SCHIP1: variants seen among roughly 807,000 people sequenced by gnomAD.
SCHIP1 encodes schwannomin interacting protein 1.
In SCHIP1, 8 loss-of-function variants were observed where a neutral mutation model predicts 29.7. That is an observed-to-expected ratio of 0.27 (90% CI 0.16 to 0.49). The LOEUF is 0.49. Among genes scored for constraint, SCHIP1 ranks in the 20% least tolerant of loss-of-function variants. The probability of loss-of-function intolerance (pLI) is 0.99; values close to 1 mark genes in which losing one functional copy is unlikely to be tolerated. For missense variants in SCHIP1, 193 were observed against 294.6 expected (o/e 0.66, Z 2.52); for synonymous variants, 76 against 94.9 (o/e 0.80, Z 1.16).
chr3:159,489,507 T>C, the SCHIP1 span, among the ~76,000 whole-genome samples: 12 of 152,184 alleles, frequency 7.9e-5, no homozygotes, highest in African/African-American at 2.9e-4. Flanking sequence ...TGTGAGAGTG[T>C]AAATAACTGA....
chr3:159,325,682 CT>C, the SCHIP1 span, among the ~76,000 whole-genome samples: 41 of 151,922 alleles, frequency 2.7e-4, no homozygotes, highest in African/African-American at 9.4e-4. Flanking sequence ...TTGAAAATTT[CT>C]TTTTTTTAAT....
chr3:159,609,438 T>C, the SCHIP1 span, among the ~76,000 whole-genome samples: 1 of 152,218 alleles, frequency 6.6e-6, no homozygotes, highest in African/African-American at 2.4e-5. Flanking sequence ...ATTAGTTGTT[T>C]GTAAATATCC....
chr3:159,608,952 A>C, the SCHIP1 span, among the ~76,000 whole-genome samples: 1 of 152,150 alleles, frequency 6.6e-6, no homozygotes. Context: ...CACTGGCTTG[A>C]TTTTTCTACT....
chr3:159,593,313 C>G, the SCHIP1 span, among the ~76,000 whole-genome samples: 1 of 152,136 alleles, frequency 6.6e-6, no homozygotes, highest in East Asian at 1.9e-4. Context: ...CTCAGAGAAG[C>G]ACCCCTCCTG....
chr3:159,677,819 C>A, the SCHIP1 span, among the ~76,000 whole-genome samples: 1 of 152,126 alleles, frequency 6.6e-6, no homozygotes. Context: ...TCACTATGCA[C>A]ATCTATAGTT....
the SCHIP1 span, among the ~76,000 whole-genome samples, chr3:159,624,732 T>C: frequency 6.6e-6 from 1 of 152,162 alleles, no homozygotes; most frequent in Non-Finnish European, 1.5e-5. Context: ...AATCTTGAGC[T>C]AAGCTAATAA....
At chr3:159,769,953 G>A in the SCHIP1 span, among the ~76,000 whole-genome samples, 8 of 152,218 alleles carry the variant, frequency 5.3e-5, no homozygotes, top group Non-Finnish European at 1.0e-4. Context: ...GCACTCCTTT[G>A]TAATACCACC....
the SCHIP1 span, among the ~76,000 whole-genome samples, chr3:159,811,575 T>C: frequency 6.6e-6 from 1 of 152,202 alleles, no homozygotes; most frequent in Non-Finnish European, 1.5e-5. Context: ...GGCACCTTTG[T>C]CAAAAAATCA....
chr3:159,408,858 C>T, the SCHIP1 span, among the ~76,000 whole-genome samples: 1 of 152,042 alleles, frequency 6.6e-6, no homozygotes, highest in African/African-American at 2.4e-5. Flanking sequence ...AAGCCAATAC[C>T]CCTGATAAAC....
At chr3:159,349,848 A>G in the SCHIP1 span, among the ~76,000 whole-genome samples, 9 of 152,152 alleles carry the variant, frequency 5.9e-5, no homozygotes, top group Non-Finnish European at 1.0e-4. Context: ...TCCAGTTTGA[A>G]CTTTCTAGAA....
the SCHIP1 span, among the ~76,000 whole-genome samples, chr3:159,602,709 A>AC: frequency 5.2e-5 from 6 of 115,772 alleles, no homozygotes; most frequent in African/African-American, 1.3e-4. Context: ...AATCCATCTC[A>AC]AAAAAAAAAA....
At chr3:159,774,936 A>C in the SCHIP1 span, among the ~76,000 whole-genome samples, 1 of 152,228 alleles carries the variant, frequency 6.6e-6, no homozygotes, top group African/African-American at 2.4e-5. Context: ...CAGCAATATC[A>C]CATTAATCAT....
chr3:159,422,885 T>C, the SCHIP1 span, among the ~76,000 whole-genome samples: 1 of 152,200 alleles, frequency 6.6e-6, no homozygotes, highest in Admixed American at 6.5e-5. Context: ...GAGGGGCTAT[T>C]GCAAATGCTG....
intron 3 of SCHIP1, 164 bp from the exon 5 acceptor site, chr3:159,887,544 C>A (rs1374667558): frequency 2.7e-6 from 2 of 729,572 alleles, no homozygotes; most frequent in Non-Finnish European, 4.7e-6. Flanking sequence ...AAACTAGACC[C>A]TTTTTCTGTT....
chr3:159,370,506 C>T, the SCHIP1 span, among the ~76,000 whole-genome samples: 58 of 152,270 alleles, frequency 3.8e-4, no homozygotes, highest in Non-Finnish European at 6.5e-4. Context: ...GTCAACTTGA[C>T]TGAGCTAAGG....
At chr3:159,533,148 G>A in the SCHIP1 span, among the ~76,000 whole-genome samples, 1 of 152,114 alleles carries the variant, frequency 6.6e-6, no homozygotes. Flanking sequence ...GTGGTGTAAA[G>A]GAAAAAGAGC....
At chr3:159,688,025 A>G in the SCHIP1 span, among the ~76,000 whole-genome samples, 1 of 152,224 alleles carries the variant, frequency 6.6e-6, no homozygotes, top group East Asian at 1.9e-4. Context: ...ATTGGTTCCA[A>G]GTCTTTGCTA....
the SCHIP1 span, among the ~76,000 whole-genome samples, chr3:159,398,313 G>T: frequency 6.6e-6 from 1 of 152,032 alleles, no homozygotes; most frequent in Admixed American, 6.6e-5. Context: ...GGAGCTGTAG[G>T]CCAGAGCTGT....
chr3:159,298,437 G>A, the SCHIP1 span, among the ~76,000 whole-genome samples: 1 of 152,144 alleles, frequency 6.6e-6, no homozygotes, highest in Non-Finnish European at 1.5e-5. Context: ...CAGGATCTTT[G>A]TAGTACTACA....
Sources: gnomAD v4.1 joint callset for allele counts (sites outside exome capture counted in the v4.1 genomes callset) on GRCh38, gnomAD v4.1.1 for gene constraint, MANE v1.5 for transcripts, NCBI Gene and HGNC (gene_info 2026-07-23, HGNC 2026-07-21) for gene names.